NLGN1: variants seen among roughly 807,000 people sequenced by gnomAD.
NLGN1 encodes the protein neuroligin-1.
Under a neutral mutation model 65.5 loss-of-function variants are expected in NLGN1, and 12 were observed. The observed-to-expected ratio is 0.18, with a 90% CI of 0.12 to 0.30. The LOEUF (loss-of-function observed/expected upper bound fraction) is 0.30, where lower values mean the gene tolerates loss of function less well. Among genes scored for constraint, NLGN1 ranks in the 10% least tolerant of loss-of-function variants. NLGN1 has a pLI of 1.00. For synonymous variants in NLGN1, 350 were observed against 359.5 expected, an observed-to-expected ratio of 0.97 and a Z score of 0.30; for missense variants, 750 against 1,007.1, an observed-to-expected ratio of 0.74 and a Z score of 3.46.
At chr3:174,002,054 TA>T (rs201681047) in intron 4 of NLGN1, among the ~76,000 whole-genome samples, 15,019 of 127,958 alleles carry the variant, frequency 0.12, 740 homozygotes, top group Middle Eastern at 0.22. Context: ...TAGACAGATT[TA>T]AAAAAAAAAA....
At chr3:174,038,642 AC>A (rs147092078) in intron 4 of NLGN1, among the ~76,000 whole-genome samples, 2,921 of 152,230 alleles carry the variant, frequency 0.019, 76 homozygotes, top group South Asian at 0.062. Context: ...CTCTAAGGTT[AC>A]CCCCCTGAGT....
At chr3:174,070,833 T>C (rs918357216) in intron 4 of NLGN1, among the ~76,000 whole-genome samples, 4 of 152,092 alleles carry the variant, frequency 2.6e-5, no homozygotes, top group Non-Finnish European at 5.9e-5. Context: ...GGTAGGAGGA[T>C]TGCTTGAATG....
intron 4 of NLGN1, among the ~76,000 whole-genome samples, chr3:173,919,632 T>G (rs1407476391): frequency 6.6e-6 from 1 of 152,172 alleles, no homozygotes; most frequent in African/African-American, 2.4e-5. Flanking sequence ...TGTCTATAAC[T>G]CATTGTATCT....
chr3:173,747,359 C>T (rs1468199713), intron 3 of NLGN1, among the ~76,000 whole-genome samples: 1 of 79,736 alleles, frequency 1.3e-5, no homozygotes, highest in African/African-American at 5.1e-5. Flanking sequence ...AATATATATA[C>T]TTAAAGATAT....
intron 3 of NLGN1, among the ~76,000 whole-genome samples, chr3:173,655,701 T>A (rs951631773): frequency 6.6e-6 from 1 of 151,884 alleles, no homozygotes; most frequent in Admixed American, 6.6e-5. Flanking sequence ...TACCTACATC[T>A]CAAATGATTT....
intron 3 of NLGN1, among the ~76,000 whole-genome samples, chr3:173,765,019 A>C (rs2150228591): frequency 6.6e-6 from 1 of 150,582 alleles, no homozygotes; most frequent in East Asian, 2.0e-4. Flanking sequence ...GAAGTGAAGA[A>C]ATGTGCCAGA....
intron 4 of NLGN1, among the ~76,000 whole-genome samples, chr3:174,142,645 AAGAC>A (rs1450176805): frequency 6.6e-5 from 10 of 152,130 alleles, no homozygotes; most frequent in Admixed American, 6.5e-4. Context: ...AAGAGAAAGA[AAGAC>A]AAAGAACTAA....
intron 3 of NLGN1, among the ~76,000 whole-genome samples, chr3:173,614,135 T>C (rs893594983): frequency 6.6e-6 from 1 of 152,032 alleles, no homozygotes; most frequent in Non-Finnish European, 1.5e-5. Context: ...TCCAAAAGGT[T>C]TGGGGCTCCT....
chr3:173,542,177 AT>A (rs1474397543), intron 2 of NLGN1, among the ~76,000 whole-genome samples: 3 of 151,664 alleles, frequency 2.0e-5, no homozygotes, highest in African/African-American at 7.3e-5. Flanking sequence ...CTTCTATTGA[AT>A]TTTGATTTTG....
intron 2 of NLGN1, among the ~76,000 whole-genome samples, chr3:173,463,294 C>A (rs1232157058): frequency 2.6e-5 from 4 of 152,122 alleles, no homozygotes; most frequent in Non-Finnish European, 5.9e-5. Context: ...TCATTGTAAA[C>A]AACCTGAAAA....
At chr3:173,982,190 G>A (rs544142858) in intron 4 of NLGN1, among the ~76,000 whole-genome samples, 6 of 152,008 alleles carry the variant, frequency 3.9e-5, no homozygotes, top group South Asian at 2.1e-4. Context: ...AACCATTAAC[G>A]TGTGCCTTTC....
At chr3:174,073,509 C>A (rs1740324222) in intron 4 of NLGN1, among the ~76,000 whole-genome samples, 1 of 152,124 alleles carries the variant, frequency 6.6e-6, no homozygotes, top group Admixed American at 6.6e-5. Context: ...AATTCCAAAT[C>A]TTGGCGTCAC....
chr3:174,032,221 A>G (rs948358787), intron 4 of NLGN1, among the ~76,000 whole-genome samples: 1 of 152,220 alleles, frequency 6.6e-6, no homozygotes, highest in East Asian at 1.9e-4. Context: ...ATTCAGTAAC[A>G]GAGAATTCAG....
chr3:174,200,595 G>A (rs1228431915), intron 4 of NLGN1, among the ~76,000 whole-genome samples: 2 of 152,174 alleles, frequency 1.3e-5, no homozygotes, highest in Non-Finnish European at 2.9e-5. Flanking sequence ...GTAGAAAGTG[G>A]TAAATGCTTC....
chr3:173,652,072 G>A (rs1412388054), intron 3 of NLGN1, among the ~76,000 whole-genome samples: 1 of 152,170 alleles, frequency 6.6e-6, no homozygotes, highest in African/African-American at 2.4e-5. Context: ...GGCGTTACAG[G>A]TGTGAGCCAC....
chr3:173,900,541 G>A (rs1441704167), intron 4 of NLGN1, among the ~76,000 whole-genome samples: 2 of 151,950 alleles, frequency 1.3e-5, no homozygotes, highest in Admixed American at 1.3e-4. Context: ...ACTAAATATG[G>A]TTTTGAATAA....
chr3:173,713,947 A>G (rs952173239), intron 3 of NLGN1, among the ~76,000 whole-genome samples: 2 of 152,140 alleles, frequency 1.3e-5, no homozygotes, highest in Non-Finnish European at 2.9e-5. Context: ...GGCTGGTTAC[A>G]TCCTAACAAA....
intron 3 of NLGN1, among the ~76,000 whole-genome samples, chr3:173,630,504 C>T (rs1053747992): frequency 6.6e-6 from 1 of 151,704 alleles, no homozygotes; most frequent in African/African-American, 2.4e-5. Flanking sequence ...TCTGCATTTC[C>T]CTAAAAATCA....
chr3:173,629,248 T>A (rs114175376), intron 3 of NLGN1, among the ~76,000 whole-genome samples: 1 of 152,128 alleles, frequency 6.6e-6, no homozygotes, highest in African/African-American at 2.4e-5. Context: ...GGAGTTGATT[T>A]AATCTTCATT....
Sources: allele counts gnomAD v4.1 joint callset (sites outside exome capture counted in the v4.1 genomes callset), GRCh38; gene constraint gnomAD v4.1.1; transcripts MANE v1.5; gene names NCBI Gene and HGNC (gene_info 2026-07-23, HGNC 2026-07-21).